FBXL13: variants seen among roughly 807,000 people sequenced by gnomAD.
FBXL13 encodes the protein F-box and leucine rich repeat protein 13, also known as F-box and leucine-rich repeat protein 13.
Under a neutral mutation model 83.6 loss-of-function variants are expected in FBXL13, and 67 were observed. The ratio of observed to expected loss-of-function variants is 0.80; its 90% CI spans 0.66 to 0.98. The LOEUF (loss-of-function observed/expected upper bound fraction) is 0.98, where lower values mean the gene tolerates loss of function less well. Ranked by LOEUF, FBXL13 falls within the 50% of genes least tolerant of loss-of-function variation. FBXL13 has a pLI of 0.00. For missense variants in FBXL13, 822 were observed against 866.5 expected (o/e 0.95, Z 0.64); for synonymous variants, 272 against 299.5 (o/e 0.91, Z 0.95).
chr7:103,051,367 T>C (rs1348651999), intron 2 of FBXL13, among the ~76,000 whole-genome samples: 1 of 152,198 alleles, frequency 6.6e-6, no homozygotes, highest in East Asian at 1.9e-4. Flanking sequence ...TGGACCCAGC[T>C]GAGTTTCTGT....
intron 8 of FBXL13, among the ~76,000 whole-genome samples, chr7:102,954,704 C>T (rs1823973168): frequency 6.6e-6 from 1 of 152,002 alleles, no homozygotes; most frequent in Admixed American, 6.6e-5. Flanking sequence ...GAAGATCTAC[C>T]AAGCAAACGG....
At chr7:102,991,723 C>G (rs1229710420) in intron 6 of FBXL13, among the ~76,000 whole-genome samples, 1 of 152,174 alleles carries the variant, frequency 6.6e-6, no homozygotes, top group Non-Finnish European at 1.5e-5. Context: ...CAATGCAAAT[C>G]ACAAGCCACC....
In FBXL13 at chr7:103,028,743, C is replaced by T; in HGVS notation, c.74G>A (p.Trp25Ter). ...TTCATTTGTACGAGCTATGTCTCTC[C>T]AAGTGCTGCAGGCAGAAGACATTTT... The change falls in exon 4 of 20, where the codon TGG (tryptophan) becomes TAG (stop). Residue 25 changes from tryptophan to a stop codon, truncating the protein, a stop_gained. Coordinates refer to ENST00000313221, the Ensembl canonical transcript of FBXL13. LOFTEE classifies it high-confidence loss of function. 6.4e-7 allele frequency: 1 copy of T among 1,566,362 alleles called. No individual in the cohort carries two copies. Among genetic ancestry groups the T allele is most frequent in the Non-Finnish European group, 8.6e-7 (1 of 1,158,854 alleles).
At chr7:102,944,384 A>G in intron 8 of FBXL13, 1 of 1,614,102 alleles carries the variant, frequency 6.2e-7, no homozygotes, top group Non-Finnish European at 8.5e-7. Context: ...TTAAAGCACC[A>G]CTACAATGTC....
intron 10 of FBXL13, among the ~76,000 whole-genome samples, chr7:102,919,343 A>C (rs550907932): frequency 6.6e-6 from 1 of 152,326 alleles, no homozygotes; most frequent in African/African-American, 2.4e-5. Flanking sequence ...GAAAGAGACA[A>C]CTTTGAAGGA....
intron 6 of FBXL13, among the ~76,000 whole-genome samples, chr7:102,970,505 T>C (rs1033351848): frequency 2.0e-5 from 3 of 152,168 alleles, no homozygotes; most frequent in African/African-American, 7.2e-5. Flanking sequence ...CCACTGGTAA[T>C]AACTCTGGGA....
At chr7:102,849,559 G>A (rs990940417) in intron 17 of FBXL13, among the ~76,000 whole-genome samples, 1 of 152,172 alleles carries the variant, frequency 6.6e-6, no homozygotes, top group East Asian at 1.9e-4. Context: ...TCTAAGTAAC[G>A]AGAGAGCATT....
intron 6 of FBXL13, among the ~76,000 whole-genome samples, chr7:102,975,601 A>C (rs1253400817): frequency 1.3e-5 from 2 of 152,080 alleles, no homozygotes; most frequent in Admixed American, 1.3e-4. Flanking sequence ...TTCAGAAATC[A>C]CCCAAGGTCC....
intron 8 of FBXL13, among the ~76,000 whole-genome samples, chr7:102,946,283 G>A (rs1186227822): frequency 1.3e-5 from 2 of 152,248 alleles, no homozygotes; most frequent in African/African-American, 4.8e-5. Flanking sequence ...GATACTGTCT[G>A]CCTTTTATAG....
chr7:102,978,282 C>T (rs1479555403), intron 6 of FBXL13: 1 of 152,184 alleles, frequency 6.6e-6, no homozygotes, highest in African/African-American at 2.4e-5. Context: ...TTGAGAAAGT[C>T]ACCCTTTTTC....
chr7:103,015,359 A>G (rs1024908901), intron 6 of FBXL13, among the ~76,000 whole-genome samples: 1 of 152,198 alleles, frequency 6.6e-6, no homozygotes, highest in Non-Finnish European at 1.5e-5. Flanking sequence ...CAGGCAATAG[A>G]AAGAAATAAA....
chr7:103,018,094 A>G (rs1047485364), intron 6 of FBXL13, among the ~76,000 whole-genome samples: 5 of 152,242 alleles, frequency 3.3e-5, no homozygotes, highest in Non-Finnish European at 5.9e-5. Context: ...GTTACCCACA[A>G]AGGGAATCCC....
In FBXL13 at chr7:102,878,633, T is replaced by C. The variant is rs190501626; in HGVS notation, c.1389-183A>G. ...ATAGATTTTAATGTAATAAAATGTA[T>C]AAATGAGAGGAATGGGAGAAGTATT... On this transcript the variant is annotated intron_variant, in intron 14 of 19. Transcript: ENST00000313221. 3.1e-3 allele frequency among the ~76,000 whole-genome samples: 474 copies of C among 152,314 alleles called. 2 individuals are homozygous for C. The highest frequency in any genetic ancestry group is 0.011 in the African/African-American group (440 of 41,560).
At chr7:102,877,359 A>G in intron 16 of FBXL13, 108 bp downstream of exon 17, 1 of 988,630 alleles carries the variant, frequency 1.0e-6, no homozygotes, top group Non-Finnish European at 1.4e-6. Flanking sequence ...CTTTTATAAT[A>G]GAATAACAAA....
At position 103,006,285 on chromosome 7, in the gene FBXL13, T is replaced by C. The variant is rs143059830; in HGVS notation, c.495+18778A>G. On this transcript the variant is annotated intron_variant, in intron 6 of 19. Coordinates refer to ENST00000313221, the Ensembl canonical transcript of FBXL13. Reference sequence around the variant, plus strand: ...TTGAGAAATACACATATGGATCTTCTTGAGTCTTTGACCGTATTCTAAGCT... The same window carrying C: ...TTGAGAAATACACATATGGATCTTCCTGAGTCTTTGACCGTATTCTAAGCT... Among the ~76,000 whole-genome samples the C allele has an allele frequency of 3.0e-4, 45 of 152,312 alleles. No individual in the cohort carries two copies. In the East Asian group the frequency reaches 8.3e-3, roughly 28 times the overall value.
intron 11 of FBXL13, among the ~76,000 whole-genome samples, chr7:102,906,924 T>C (rs1018704052): frequency 6.6e-6 from 1 of 152,090 alleles, no homozygotes; most frequent in Admixed American, 6.6e-5. Flanking sequence ...TATTATCCCT[T>C]TGGTTTTTGT....
chr7:102,975,840 A>G, intron 6 of FBXL13: 1 of 665,838 alleles, frequency 1.5e-6, no homozygotes. Flanking sequence ...GTGATGAGGA[A>G]AGTAAAAGGC....
chr7:102,885,087 T>C (rs1810618186), intron 11 of FBXL13, among the ~76,000 whole-genome samples: 1 of 152,260 alleles, frequency 6.6e-6, no homozygotes, highest in Admixed American at 6.5e-5. Flanking sequence ...ATTGAATATC[T>C]ACACGCATGT....
chr7:102,836,555 A>G (rs1189561993), intron 17 of FBXL13, among the ~76,000 whole-genome samples: 1 of 152,048 alleles, frequency 6.6e-6, no homozygotes, highest in Non-Finnish European at 1.5e-5. Context: ...CTTCCAAGTC[A>G]AAATCTTTTA....
Sources: allele counts gnomAD v4.1 joint callset (sites outside exome capture counted in the v4.1 genomes callset), GRCh38; gene constraint gnomAD v4.1.1; transcripts MANE v1.5; gene names NCBI Gene and HGNC (gene_info 2026-07-23, HGNC 2026-07-21).